Variants in SHANK2 observed in about 807,000 individuals in gnomAD.
SHANK2 encodes SH3 and multiple ankyrin repeat domains protein 2.
SHANK2 carries 43 observed loss-of-function variants against 133.7 expected under a neutral mutation model. The ratio of observed to expected loss-of-function variants is 0.32; its 90% CI spans 0.25 to 0.41. SHANK2 has a LOEUF of 0.41. Among genes scored for constraint, SHANK2 ranks in the 10% least tolerant of loss-of-function variants. The probability of loss-of-function intolerance (pLI) is 1.00; values close to 1 mark genes in which losing one functional copy is unlikely to be tolerated. For missense variants in SHANK2, 1,994 were observed against 2,235.8 expected, an observed-to-expected ratio of 0.89 and a Z score of 2.18; for synonymous variants, 1,017 against 952.8, an observed-to-expected ratio of 1.07 and a Z score of -1.24.
intron 12 of SHANK2, among the ~76,000 whole-genome samples, chr11:70,818,265 C>T (rs1555054893): frequency 6.6e-6 from 1 of 152,066 alleles, no homozygotes; most frequent in African/African-American, 2.4e-5. Flanking sequence ...TGCACACAGA[C>T]CAAAAAAACA....
At chr11:70,881,196 C>T (rs1281169157) in intron 11 of SHANK2, among the ~76,000 whole-genome samples, 2 of 152,102 alleles carry the variant, frequency 1.3e-5, no homozygotes, top group African/African-American at 4.8e-5. Context: ...CACCACCACG[C>T]TTGGCTAATT....
intron 14 of SHANK2, among the ~76,000 whole-genome samples, chr11:70,750,209 C>G (rs1555037196): frequency 6.6e-6 from 1 of 152,176 alleles, no homozygotes; most frequent in African/African-American, 2.4e-5. Flanking sequence ...GGCTGGGACT[C>G]AAAGGTAGCC....
chr11:70,907,083 T>C (rs112636525), intron 10 of SHANK2, among the ~76,000 whole-genome samples: 15 of 152,300 alleles, frequency 9.8e-5, no homozygotes, highest in Admixed American at 2.6e-4. Context: ...ACTCCTGAAG[T>C]GCCGGCTCAG....
intron 10 of SHANK2, among the ~76,000 whole-genome samples, chr11:70,944,912 C>T (rs1555085084): frequency 6.6e-6 from 1 of 152,220 alleles, no homozygotes; most frequent in Non-Finnish European, 1.5e-5. Context: ...TCAAGAGTTT[C>T]TCAAATGCTC....
Position 71,118,951 on chromosome 11 carries a change from C to T in SHANK2, c.289G>A (p.Asp97Asn). ...ILCTLTQSLK[D>N]VLNYGLFQPA... ...TGGAACAGGCCGTAGTTCAGGACAT[C>T]TTTCAAACTCTGGGTTAATGTACAC... The change falls in exon 4 of 26, where the codon GAT (aspartate) becomes AAT (asparagine). Residue 97 changes from aspartate (D) to asparagine (N), a missense_variant. Around this residue, in one of 5 missense-constraint regions of SHANK2, gnomAD observed 653 missense variants for 563.4 expected, o/e 1.16. Transcript: ENST00000601538. 1 of 1,551,764 alleles carries T rather than the reference C, an allele frequency of 6.4e-7. No homozygotes were observed. Among genetic ancestry groups the T allele is most frequent in the Admixed American group, 2.0e-5 (1 of 51,014 alleles).
intron 14 of SHANK2, among the ~76,000 whole-genome samples, chr11:70,788,300 G>C (rs1299809991): frequency 6.6e-6 from 1 of 152,186 alleles, no homozygotes; most frequent in Non-Finnish European, 1.5e-5. Context: ...GACTTCAGCA[G>C]CTTCCCTTTA....
At chr11:70,568,646 G>GCCCCCCCCCCCCCCCCCCC (rs66982078) in intron 17 of SHANK2, among the ~76,000 whole-genome samples, 2 of 79,966 alleles carry the variant, frequency 2.5e-5, no homozygotes, top group African/African-American at 3.9e-5. Flanking sequence ...GCGGATTCCT[G>GCCCCCCCCCCCCCCCCCCC]CCCCCCCCGC....
At chr11:71,131,423 C>G (rs147296443) in intron 3 of SHANK2, among the ~76,000 whole-genome samples, 1 of 152,128 alleles carries the variant, frequency 6.6e-6, no homozygotes, top group Non-Finnish European at 1.5e-5. Context: ...TAAAGGGTAA[C>G]GGAGCTGTGG....
intron 10 of SHANK2, among the ~76,000 whole-genome samples, chr11:70,901,695 C>G (rs1363169191): frequency 1.3e-5 from 2 of 152,164 alleles, no homozygotes; most frequent in African/African-American, 4.8e-5. Context: ...GCCCCTTACC[C>G]CCACAGGATG....
At chr11:70,937,963 GCA>G (rs1950593843) in intron 10 of SHANK2, among the ~76,000 whole-genome samples, 1 of 152,134 alleles carries the variant, frequency 6.6e-6, no homozygotes, top group African/African-American at 2.4e-5. Flanking sequence ...GTGTGTGTGT[GCA>G]TGTGTGAGCG....
intron 11 of SHANK2, among the ~76,000 whole-genome samples, chr11:70,894,010 C>A (rs531450136): frequency 6.6e-6 from 1 of 152,258 alleles, no homozygotes; most frequent in East Asian, 1.9e-4. Flanking sequence ...AACAAATGGG[C>A]ATTCCTTTTA....
chr11:70,519,647 CA>C (rs202164389), intron 17 of SHANK2, among the ~76,000 whole-genome samples: 1 of 146,328 alleles, frequency 6.8e-6, no homozygotes, highest in African/African-American at 2.5e-5. Flanking sequence ...AACTCCGTCT[CA>C]AAAAAAAACA....
chr11:71,066,067 T>A (rs1242423695), intron 9 of SHANK2, among the ~76,000 whole-genome samples: 8 of 107,356 alleles, frequency 7.5e-5, no homozygotes, highest in Admixed American at 1.2e-4. Flanking sequence ...CCCAGGGAGA[T>A]GAGCAGTGAG....
chr11:70,505,754 G>A (rs536153556), intron 17 of SHANK2, among the ~76,000 whole-genome samples: 52 of 152,302 alleles, frequency 3.4e-4, no homozygotes, highest in East Asian at 5.8e-4. Flanking sequence ...CTCAAGTTGC[G>A]GCCTCCTGAG....
At chr11:70,886,533 T>C (rs1949748643) in intron 11 of SHANK2, among the ~76,000 whole-genome samples, 1 of 152,210 alleles carries the variant, frequency 6.6e-6, no homozygotes, top group Non-Finnish European at 1.5e-5. Flanking sequence ...TTGTGTCTCA[T>C]TGGAAGGAGC....
At chr11:70,568,809 CTT>C (rs1431420291) in intron 17 of SHANK2, among the ~76,000 whole-genome samples, 5 of 152,222 alleles carry the variant, frequency 3.3e-5, no homozygotes, top group African/African-American at 7.2e-5. Context: ...GGCTCCAAGA[CTT>C]TGATTCTTTG....
chr11:70,677,138 G>A (rs1052675066), intron 15 of SHANK2, among the ~76,000 whole-genome samples: 4 of 152,194 alleles, frequency 2.6e-5, no homozygotes, highest in South Asian at 2.1e-4. Context: ...ACTTAGCAAC[G>A]GAGTGGATCA....
At chr11:70,849,817 T>TA (rs1367457901) in intron 11 of SHANK2, among the ~76,000 whole-genome samples, 11 of 152,112 alleles carry the variant, frequency 7.2e-5, no homozygotes, top group Middle Eastern at 3.4e-3. Context: ...TCTCTTTTTT[T>TA]AAAAAAAATG....
intron 17 of SHANK2, among the ~76,000 whole-genome samples, chr11:70,581,735 G>A (rs1345660370): frequency 6.6e-6 from 1 of 152,180 alleles, no homozygotes; most frequent in Admixed American, 6.5e-5. Flanking sequence ...TGAAGGCAAA[G>A]ACTGAAGTTG....
Sources: gnomAD v4.1 joint callset for allele counts (sites outside exome capture counted in the v4.1 genomes callset) on GRCh38, gnomAD v4.1.1 for gene constraint, gnomAD v4.1.1 regional missense constraint, MANE v1.5 for transcripts, NCBI Gene and HGNC (gene_info 2026-07-23, HGNC 2026-07-21) for gene names.